Variants in CERS6 observed in about 807,000 individuals in gnomAD.
CERS6 encodes ceramide synthase 6, also known as LAG1 homolog, ceramide synthase 6.
A neutral mutation model predicts 56.8 loss-of-function variants in CERS6; 26 were observed. That is an observed-to-expected ratio of 0.46 (90% CI 0.34 to 0.63). CERS6 has a LOEUF of 0.63. CERS6 is among the 30% of genes least tolerant of loss of function. The probability of loss-of-function intolerance (pLI) is 0.01; values close to 1 mark genes in which losing one functional copy is unlikely to be tolerated. For synonymous variants in CERS6, 164 were observed against 173.3 expected, an observed-to-expected ratio of 0.95 and a Z score of 0.42; for missense variants, 415 against 467.5, an observed-to-expected ratio of 0.89 and a Z score of 1.04.
chr2:168,577,479 G>A (rs529193119), intron 3 of CERS6, among the ~76,000 whole-genome samples: 7 of 152,298 alleles, frequency 4.6e-5, no homozygotes, highest in Admixed American at 3.9e-4. Context: ...GGAATTTGGG[G>A]TTAAGGATTT....
At position 168,715,085 on chromosome 2, in the gene CERS6, A is replaced by G. The variant is rs759203411; in HGVS notation, c.694A>G (p.Thr232Ala). The change falls in exon 7 of 10, where the codon ACG (threonine) becomes GCG (alanine). Residue 232 changes from threonine (T) to alanine (A), a missense_variant. Thr to Ala is a moderately conservative substitution (Grantham distance 58, BLOSUM62 0). Transcript: ENST00000305747. ...TGTCAACAATATGGCCCGAGTAGGAACGCTGGTCCTTTGTCTTCATGATTC... is the reference window on the plus strand; with the variant it reads ...TGTCAACAATATGGCCCGAGTAGGAGCGCTGGTCCTTTGTCTTCATGATTC... Reference protein sequence around the residue: ...SYVNNMARVGTLVLCLHDSAD... With the variant: ...SYVNNMARVGALVLCLHDSAD... The G allele has an allele frequency of 6.2e-7, 1 of 1,613,072 alleles. No homozygotes were observed. Among genetic ancestry groups the G allele is most frequent in the East Asian group, 2.2e-5 (1 of 44,836 alleles).
At chr2:168,638,472 C>A (rs1684912815) in intron 4 of CERS6, among the ~76,000 whole-genome samples, 2 of 150,610 alleles carry the variant, frequency 1.3e-5, no homozygotes, top group Non-Finnish European at 3.0e-5. Flanking sequence ...ACCCCCAAAA[C>A]ATGTACAACT....
At chr2:168,667,822 A>G (rs2105335417) in intron 4 of CERS6, among the ~76,000 whole-genome samples, 1 of 152,330 alleles carries the variant, frequency 6.6e-6, no homozygotes, top group East Asian at 1.9e-4. Flanking sequence ...CTAGTATGGG[A>G]GGCAGACAGG....
intron 1 of CERS6, among the ~76,000 whole-genome samples, chr2:168,469,001 TTC>T (rs1380363366): frequency 6.6e-6 from 1 of 152,232 alleles, no homozygotes; most frequent in Non-Finnish European, 1.5e-5. Flanking sequence ...ATTTATTGAT[TTC>T]TTTCAGAATT....
At chr2:168,583,277 G>A (rs752142193) in intron 3 of CERS6, among the ~76,000 whole-genome samples, 10 of 152,180 alleles carry the variant, frequency 6.6e-5, no homozygotes, top group South Asian at 2.1e-4. Context: ...GTTGATTGAC[G>A]GGCATGTCCT....
At chr2:168,650,281 A>G (rs1265345157) in intron 4 of CERS6, among the ~76,000 whole-genome samples, 5 of 151,988 alleles carry the variant, frequency 3.3e-5, no homozygotes, top group Non-Finnish European at 1.5e-5. Flanking sequence ...AGAGGAGGGG[A>G]AGGACAGGAA....
chr2:168,507,422 G>A (rs1000430317), intron 1 of CERS6, among the ~76,000 whole-genome samples: 1 of 152,088 alleles, frequency 6.6e-6, no homozygotes, highest in African/African-American at 2.4e-5. Context: ...AGGCCTTTAA[G>A]TAGGATATAG....
intron 1 of CERS6, among the ~76,000 whole-genome samples, chr2:168,478,395 T>G (rs1694117651): frequency 6.6e-6 from 1 of 152,144 alleles, no homozygotes; most frequent in African/African-American, 2.4e-5. Flanking sequence ...GGTGTTCATG[T>G]TCCTTGTACA....
chr2:168,718,190 C>T (rs1687274569), intron 8 of CERS6, among the ~76,000 whole-genome samples: 2 of 152,148 alleles, frequency 1.3e-5, no homozygotes, highest in South Asian at 4.1e-4. Context: ...AAGGATGTGG[C>T]TTGCATGGCT....
In CERS6 at chr2:168,644,428, CA is replaced by C. The variant is rs554475389; in HGVS notation, c.465+13388del. Reference sequence around the variant, plus strand: ...TGAGGCAGATGAACAAAGGTGGGGTCAAGCATTCAACTTCTGTTTAGTAGGG... The same window carrying C: ...TGAGGCAGATGAACAAAGGTGGGGTCAGCATTCAACTTCTGTTTAGTAGGG... On this transcript the variant is annotated intron_variant, in intron 4 of 9. Transcript: ENST00000305747. 5.7e-5 allele frequency: 48 copies of C among 844,782 alleles called. No individual in the cohort carries two copies. In the African/African-American group the frequency reaches 8.4e-4, roughly 15 times the overall value. 52.3% of individuals were successfully genotyped at this position (844,782 alleles called of 1,614,324 possible).
chr2:168,474,943 T>G (rs1694042871), intron 1 of CERS6, among the ~76,000 whole-genome samples: 2 of 152,192 alleles, frequency 1.3e-5, no homozygotes, highest in African/African-American at 4.8e-5. Flanking sequence ...ACCTTATGAT[T>G]AAGCTATTCT....
chr2:168,770,021 C>T lies in CERS6; in HGVS notation c.*359C>T, dbSNP rs1329124102. 2.0e-5 allele frequency: 5 copies of T among 255,578 alleles called. No individual in the cohort carries two copies. The Admixed American group carries it at 3.1e-4, about 16-fold the overall frequency. The allele number at this position is 255,578 out of a possible 1,614,324, so 15.8% of individuals were successfully genotyped here. A position where few individuals can be genotyped will look rare whatever the true frequency, so the allele number is the denominator to read the frequency against. On this transcript the variant is annotated 3_prime_UTR_variant, in exon 10 of 10. Coordinates refer to ENST00000305747, the MANE Select transcript of CERS6 (RefSeq NM_203463.3). Reference sequence around the variant, plus strand: ...AGGAGATGCTCCATCTGCTTCTCCCCCTTTCTCTTGCTGTAGTCCAATGTG... The same window carrying T: ...AGGAGATGCTCCATCTGCTTCTCCCTCTTTCTCTTGCTGTAGTCCAATGTG...
At chr2:168,728,615 G>C (rs951054754) in intron 8 of CERS6, among the ~76,000 whole-genome samples, 4 of 151,534 alleles carry the variant, frequency 2.6e-5, no homozygotes, top group African/African-American at 9.7e-5. Flanking sequence ...TCGAACTCCT[G>C]ACCTCAGGCA....
intron 5 of CERS6, among the ~76,000 whole-genome samples, chr2:168,692,751 C>A (rs1454295476): frequency 9.2e-5 from 14 of 151,912 alleles, no homozygotes; most frequent in Admixed American, 7.9e-4. Context: ...TAGCTGATTT[C>A]TTTGTGTGTG....
At chr2:168,595,703 T>G (rs528368328) in intron 3 of CERS6, among the ~76,000 whole-genome samples, 2 of 152,332 alleles carry the variant, frequency 1.3e-5, no homozygotes, top group African/African-American at 4.8e-5. Context: ...TGAATTGATA[T>G]CATCTTTACC....
chr2:168,512,748 A>ACCT, intron 1 of CERS6, among the ~76,000 whole-genome samples: 1 of 149,910 alleles, frequency 6.7e-6, no homozygotes, highest in Non-Finnish European at 1.5e-5. Context: ...GCTCACTGCA[A>ACCT]CCTCCGCCTC....
At chr2:168,524,611 T>G (rs1308077124) in intron 1 of CERS6, among the ~76,000 whole-genome samples, 1 of 152,148 alleles carries the variant, frequency 6.6e-6, no homozygotes, top group African/African-American at 2.4e-5. Flanking sequence ...GCTGTAGCAC[T>G]CAGGGGGTTG....
chr2:168,608,966 G>T (rs1226624514), intron 3 of CERS6, among the ~76,000 whole-genome samples: 1 of 152,214 alleles, frequency 6.6e-6, no homozygotes, highest in Non-Finnish European at 1.5e-5. Flanking sequence ...CAATGAGTCA[G>T]TGTCAGGGTT....
chr2:168,756,583 A>C (rs1299426623), intron 8 of CERS6, among the ~76,000 whole-genome samples: 2 of 152,252 alleles, frequency 1.3e-5, no homozygotes, highest in Non-Finnish European at 2.9e-5. Flanking sequence ...TGGCTACCAG[A>C]AACCAGCTTA....
Sources: allele counts gnomAD v4.1 joint callset (sites outside exome capture counted in the v4.1 genomes callset), GRCh38; gene constraint gnomAD v4.1.1; transcripts MANE v1.5; gene names NCBI Gene and HGNC (gene_info 2026-07-23, HGNC 2026-07-21).